Variants in TBC1D5 observed in about 807,000 individuals in gnomAD.
TBC1D5 encodes the protein TBC1 domain family, member 5.
TBC1D5 carries 75 observed loss-of-function variants against 100.3 expected under a neutral mutation model. The ratio of observed to expected loss-of-function variants is 0.75; its 90% confidence interval spans 0.62 to 0.91. TBC1D5 has a LOEUF of 0.91. TBC1D5 is among the 40% of genes least tolerant of loss of function. The pLI, the probability that TBC1D5 is intolerant of heterozygous loss-of-function variation, is 0.00. For synonymous variants in TBC1D5, 323 were observed against 325.6 expected (o/e 0.99, Z 0.09); for missense variants, 910 against 942.4 (o/e 0.97, Z 0.45).
chr3:17,199,353 T>C (rs754110620), intron 18 of TBC1D5, among the ~76,000 whole-genome samples: 2 of 152,244 alleles, frequency 1.3e-5, no homozygotes, highest in African/African-American at 2.4e-5. Flanking sequence ...AGTTTGACAG[T>C]TGTCTAGAGA....
chr3:17,467,821 C>T (rs919937889), intron 3 of TBC1D5, among the ~76,000 whole-genome samples: 4 of 152,038 alleles, frequency 2.6e-5, no homozygotes, highest in Admixed American at 2.0e-4. Flanking sequence ...TGCTCAAACC[C>T]GGGAGGCAGA....
chr3:17,615,518 CT>C (rs577960194), intron 2 of TBC1D5, among the ~76,000 whole-genome samples: 1 of 151,168 alleles, frequency 6.6e-6, no homozygotes, highest in Non-Finnish European at 1.5e-5. Flanking sequence ...TGGTCCTGGA[CT>C]TTTTTTTTGG....
chr3:17,430,713 T>A (rs2094433950), intron 3 of TBC1D5, among the ~76,000 whole-genome samples: 1 of 151,960 alleles, frequency 6.6e-6, no homozygotes, highest in African/African-American at 2.4e-5. Context: ...AAACATCTGT[T>A]CCTTACAGTT....
chr3:17,623,085 G>A (rs188807549), intron 2 of TBC1D5, among the ~76,000 whole-genome samples: 7 of 152,216 alleles, frequency 4.6e-5, no homozygotes, highest in African/African-American at 1.7e-4. Context: ...ACTCCACTAT[G>A]AGCACCCCAC....
chr3:17,186,132 G>A (rs1321437367), intron 18 of TBC1D5, among the ~76,000 whole-genome samples: 3 of 151,356 alleles, frequency 2.0e-5, no homozygotes, highest in African/African-American at 7.3e-5. Flanking sequence ...GCCAGGGCTG[G>A]AATAGGCTAG....
chr3:17,457,598 A>T lies in TBC1D5; in HGVS notation c.98-29079T>A, dbSNP rs548255952. 4.9e-4 allele frequency among the ~76,000 whole-genome samples: 74 copies of T among 152,330 alleles called. 1 individual carries two copies. In the South Asian group the frequency reaches 0.015, roughly 31 times the overall value. ...CAGCTTTTCCACTAAAGCCTTCAACATATTCATCATAGTTATTTAAGAATA... is the reference window on the plus strand; with the variant it reads ...CAGCTTTTCCACTAAAGCCTTCAACTTATTCATCATAGTTATTTAAGAATA... On this transcript the variant is annotated intron_variant, in intron 3 of 21. Transcript: ENST00000253692.
At chr3:17,403,070 T>C (rs1044059331) in intron 8 of TBC1D5, 111 bp downstream of exon 8, 2 of 831,954 alleles carry the variant, frequency 2.4e-6, no homozygotes, top group Non-Finnish European at 3.7e-6. Context: ...TTAACACAAG[T>C]AGAATACTGC....
intron 1 of TBC1D5, among the ~76,000 whole-genome samples, chr3:17,730,707 T>C (rs988431319): frequency 2.0e-5 from 3 of 152,178 alleles, no homozygotes; most frequent in Admixed American, 6.5e-5. Context: ...TTTGAAGCCA[T>C]TTGTCACACG....
chr3:17,642,524 G>A (rs1399670904), intron 1 of TBC1D5, among the ~76,000 whole-genome samples: 2 of 152,000 alleles, frequency 1.3e-5, no homozygotes, highest in Non-Finnish European at 2.9e-5. Flanking sequence ...TGATTTGAAG[G>A]TCATCTACCA....
At chr3:17,203,120 A>C (rs1447495008) in intron 18 of TBC1D5, among the ~76,000 whole-genome samples, 1 of 152,238 alleles carries the variant, frequency 6.6e-6, no homozygotes, top group African/African-American at 2.4e-5. Flanking sequence ...AGCCCCAAGC[A>C]GGGAGATCCC....
At chr3:17,550,984 A>G (rs2096467451) in intron 2 of TBC1D5, among the ~76,000 whole-genome samples, 4 of 152,206 alleles carry the variant, frequency 2.6e-5, no homozygotes, top group Admixed American at 2.6e-4. Flanking sequence ...AAAAAATATT[A>G]CAAAACTTTC....
intron 16 of TBC1D5, among the ~76,000 whole-genome samples, chr3:17,249,621 G>A (rs1443183878): frequency 6.6e-6 from 1 of 152,142 alleles, no homozygotes; most frequent in Non-Finnish European, 1.5e-5. Context: ...AGCAGATGGT[G>A]GCACCAGGCT....
At chr3:17,523,307 A>C (rs947575525) in intron 2 of TBC1D5, among the ~76,000 whole-genome samples, 1 of 152,194 alleles carries the variant, frequency 6.6e-6, no homozygotes, top group African/African-American at 2.4e-5. Flanking sequence ...AAGGAACATC[A>C]GGAAATAGAG....
chr3:17,196,662 A>G (rs1248810844), intron 18 of TBC1D5, among the ~76,000 whole-genome samples: 1 of 152,248 alleles, frequency 6.6e-6, no homozygotes, highest in African/African-American at 2.4e-5. Flanking sequence ...GTCGTGAAAT[A>G]CTTTGGGTAT....
At chr3:17,329,950 A>G (rs1329712925) in intron 13 of TBC1D5, among the ~76,000 whole-genome samples, 2 of 152,240 alleles carry the variant, frequency 1.3e-5, no homozygotes, top group African/African-American at 4.8e-5. Context: ...ACTTAAGAAT[A>G]TTAGCAGGCT....
At chr3:17,673,157 T>C (rs748502301) in intron 1 of TBC1D5, among the ~76,000 whole-genome samples, 44 of 152,096 alleles carry the variant, frequency 2.9e-4, no homozygotes, top group Non-Finnish European at 3.4e-4. Flanking sequence ...AATGTAGTAA[T>C]AATACAAAAA....
At chr3:17,429,432 G>T (rs1446069707) in intron 3 of TBC1D5, among the ~76,000 whole-genome samples, 1 of 151,782 alleles carries the variant, frequency 6.6e-6, no homozygotes. Flanking sequence ...TTTAGAATCT[G>T]ATTATATTTT....
At chr3:17,642,984 T>C (rs2064670010) in intron 1 of TBC1D5, among the ~76,000 whole-genome samples, 1 of 152,118 alleles carries the variant, frequency 6.6e-6, no homozygotes, top group Non-Finnish European at 1.5e-5. Flanking sequence ...AAATTAACAT[T>C]GGTTCAAACT....
intron 18 of TBC1D5, among the ~76,000 whole-genome samples, chr3:17,186,030 C>T (rs35185755): frequency 0.046 from 6,682 of 145,168 alleles, 249 homozygotes; most frequent in East Asian, 0.21. Flanking sequence ...GGAAGATTAT[C>T]GGAGTTTTTT....
Sources: gnomAD v4.1 joint callset for allele counts (sites outside exome capture counted in the v4.1 genomes callset) on GRCh38, gnomAD v4.1.1 for gene constraint, MANE v1.5 for transcripts, NCBI Gene and HGNC (gene_info 2026-07-23, HGNC 2026-07-21) for gene names.